C12orf50: variants seen among roughly 807,000 people sequenced by gnomAD.
The protein encoded by C12orf50 is zinc finger CCCH-type containing 11D, also known as uncharacterized protein C12orf50.
C12orf50 carries 35 observed loss-of-function variants against 61.6 expected under a neutral mutation model. That is an observed-to-expected ratio of 0.57 (90% CI 0.43 to 0.75). The LOEUF (loss-of-function observed/expected upper bound fraction) is 0.75. Ranked by LOEUF, C12orf50 falls within the 30% of genes least tolerant of loss-of-function variation. C12orf50 has a pLI of 0.00. For synonymous variants in C12orf50, 178 were observed against 161.5 expected (o/e 1.10, Z -0.77); for missense variants, 475 against 488.5 (o/e 0.97, Z 0.26).
In C12orf50 at chr12:88,024,443, C is replaced by T. The variant is rs369693326; in HGVS notation, c.133+2045G>A. Among the ~76,000 whole-genome samples, 29 of 152,264 alleles carry T rather than the reference C, an allele frequency of 1.9e-4. No individual in the cohort carries two copies. The South Asian group carries it at 2.3e-3, about 12-fold the overall frequency. On this transcript the variant is annotated intron_variant, in intron 3 of 12. Coordinates refer to ENST00000298699, the MANE Select transcript of C12orf50 (RefSeq NM_152589.3). The stretch of plus-strand genomic sequence containing the variant: ...TATATATATGCCATGGATTACTACA[C>T]GCCATAAAACAAGAATGACATCATG...
intron 8 of C12orf50, 85 bp from the exon 9 acceptor site, chr12:87,988,051 A>G: frequency 2.7e-6 from 2 of 738,176 alleles, no homozygotes. Context: ...TTCAAACATT[A>G]CATAATGGGA....
chr12:88,026,970 A>G lies in C12orf50; in HGVS notation c.-8T>C, dbSNP rs750611470. The G allele has an allele frequency of 6.2e-7, 1 of 1,613,744 alleles. No homozygotes were observed. Among genetic ancestry groups the G allele is most frequent in the Non-Finnish European group, 8.5e-7 (1 of 1,179,946 alleles). ...TTCTACCTGCATTTCCATGTGTCTA[A>G]ATCTGCAAAGTGGATCTAAACATTT... On this transcript the variant is annotated 5_prime_UTR_variant, in exon 2 of 13. Coordinates refer to ENST00000298699, the MANE Select transcript of C12orf50 (RefSeq NM_152589.3).
At position 87,987,899 on chromosome 12, in the gene C12orf50, T is replaced by G. The variant is rs779216148; in HGVS notation, c.768A>C (p.Leu256Phe). 18 of 1,611,786 alleles carry G rather than the reference T, an allele frequency of 1.1e-5. No homozygotes were observed. Among genetic ancestry groups the G allele is most frequent in the Non-Finnish European group, 2.5e-6 (3 of 1,178,604 alleles). Reference sequence around the variant, plus strand: ...TCATACTGATATTCTCAGTAGCATTTAATACATGCGTTGTAGGTACTAGTC... The same window carrying G: ...TCATACTGATATTCTCAGTAGCATTGAATACATGCGTTGTAGGTACTAGTC... ...TTRLVPTTHV[L>F]NATENISMKC... The change falls in exon 9 of 13, where the codon TTA becomes TTC. Residue 256 changes from leucine to phenylalanine, a missense_variant. Leu to Phe is a conservative substitution (Grantham distance 22). Transcript: ENST00000298699.
chr12:87,986,117 T>C (rs887591743), intron 10 of C12orf50, 64 bp from the exon 11 acceptor site: 1 of 1,514,374 alleles, frequency 6.6e-7, no homozygotes, highest in Non-Finnish European at 9.1e-7. Context: ...ATAAATAACA[T>C]ATTGCACTGC....
At chr12:87,981,381 C>G (rs1437230793) in intron 12 of C12orf50, among the ~76,000 whole-genome samples, 1 of 151,988 alleles carries the variant, frequency 6.6e-6, no homozygotes, top group Non-Finnish European at 1.5e-5. Context: ...GCCTAGATAC[C>G]CAGTCTAAGG....
chr12:87,996,080 G>A (rs564499050), intron 6 of C12orf50, among the ~76,000 whole-genome samples: 1 of 152,070 alleles, frequency 6.6e-6, no homozygotes, highest in Admixed American at 6.6e-5. Context: ...TTGGCAGGGG[G>A]ATTTATTTCA....
At chr12:87,984,840 T>C (rs1368131594) in intron 11 of C12orf50, 1 of 152,146 alleles carries the variant, frequency 6.6e-6, no homozygotes, top group African/African-American at 2.4e-5. Context: ...ACTCATTGTA[T>C]TCTTCACAGA....
intron 3 of C12orf50, among the ~76,000 whole-genome samples, chr12:88,003,122 T>A (rs1187910447): frequency 6.6e-6 from 1 of 151,180 alleles, no homozygotes; most frequent in African/African-American, 2.5e-5. Context: ...GTTTGTTCTA[T>A]AAACAGAGAC....
intron 3 of C12orf50, among the ~76,000 whole-genome samples, chr12:87,999,560 T>C (rs1258168760): frequency 6.6e-6 from 1 of 152,196 alleles, no homozygotes; most frequent in African/African-American, 2.4e-5. Flanking sequence ...CTTTGTACAC[T>C]GCAGTTGGGA....
chr12:87,994,827 T>TA (rs1341222479), intron 6 of C12orf50, 84 bp from the exon 7 acceptor site: 10 of 823,036 alleles, frequency 1.2e-5, no homozygotes, highest in Non-Finnish European at 1.8e-5. Context: ...ATGATGAAAG[T>TA]AAAAAAGCTT....
chr12:88,010,919 C>G (rs564667179), intron 3 of C12orf50, among the ~76,000 whole-genome samples: 11 of 152,162 alleles, frequency 7.2e-5, no homozygotes, highest in African/African-American at 2.2e-4. Context: ...ATTATTATAT[C>G]TTCATTGATT....
chr12:88,004,427 G>A (rs1296933156), intron 3 of C12orf50, among the ~76,000 whole-genome samples: 1 of 152,150 alleles, frequency 6.6e-6, no homozygotes, highest in East Asian at 1.9e-4. Context: ...AGAAAAAAAG[G>A]AATGCTTATA....
chr12:87,982,143 G>A (rs2030513662), intron 12 of C12orf50, among the ~76,000 whole-genome samples: 1 of 152,068 alleles, frequency 6.6e-6, no homozygotes, highest in Admixed American at 6.6e-5. Context: ...AGGATCATAG[G>A]AGAAAAGGCT....
chr12:87,986,229 T>TTTG (rs1456955920), intron 10 of C12orf50, 83 bp downstream of exon 10: 1 of 1,262,704 alleles, frequency 7.9e-7, no homozygotes, highest in African/African-American at 1.6e-5. Context: ...ATGACAGTAA[T>TTTG]TTGTTTTTCA....
At chr12:88,017,270 C>T (rs1565759204) in intron 3 of C12orf50, among the ~76,000 whole-genome samples, 2 of 152,042 alleles carry the variant, frequency 1.3e-5, no homozygotes, top group Non-Finnish European at 2.9e-5. Flanking sequence ...GTGAATAAGT[C>T]TCATGAGACC....
intron 1 of C12orf50, 64 bp downstream of exon 1, chr12:88,029,276 G>A: frequency 3.3e-6 from 1 of 305,282 alleles, no homozygotes; most frequent in East Asian, 8.7e-5. Flanking sequence ...CTTTAAAACT[G>A]ACCTCCTGTT....
intron 3 of C12orf50, among the ~76,000 whole-genome samples, chr12:88,011,546 A>T (rs547103656): frequency 1.3e-5 from 2 of 152,328 alleles, no homozygotes; most frequent in East Asian, 3.9e-4. Context: ...CTAAAACCCA[A>T]TGCAGGTACT....
chr12:88,029,827 T>C (rs1231045563), upstream of C12orf50, among the ~76,000 whole-genome samples: 2 of 152,192 alleles, frequency 1.3e-5, no homozygotes, highest in East Asian at 3.9e-4. Context: ...CAAATTGTGA[T>C]ATATTAATAG....
chr12:88,015,353 C>A (rs767498487), intron 3 of C12orf50, among the ~76,000 whole-genome samples: 1 of 152,146 alleles, frequency 6.6e-6, no homozygotes, highest in Non-Finnish European at 1.5e-5. Context: ...AACACAGAGG[C>A]TAGACATTCT....
Sources: gnomAD v4.1 joint callset for allele counts (sites outside exome capture counted in the v4.1 genomes callset) on GRCh38, gnomAD v4.1.1 for gene constraint, MANE v1.5 for transcripts, NCBI Gene and HGNC (gene_info 2026-07-23, HGNC 2026-07-21) for gene names.